Variants in SGIP1 observed in about 807,000 individuals in gnomAD.
SGIP1 encodes the protein SH3GL interacting endocytic adaptor 1, also known as SH3-containing GRB2-like protein 3-interacting protein 1.
A neutral mutation model predicts 107.5 loss-of-function variants in SGIP1; 38 were observed. The observed-to-expected ratio is 0.35, with a 90% confidence interval of 0.27 to 0.46. SGIP1 has a LOEUF of 0.46. Among genes scored for constraint, SGIP1 ranks in the 20% least tolerant of loss-of-function variants. The pLI is 1.00. For synonymous variants in SGIP1, 365 were observed against 366.1 expected, an observed-to-expected ratio of 1.00 and a Z score of 0.03; for missense variants, 929 against 1,019.5, an observed-to-expected ratio of 0.91 and a Z score of 1.21.
intron 1 of SGIP1, among the ~76,000 whole-genome samples, chr1:66,548,497 T>G (rs536564445): frequency 3.0e-4 from 45 of 152,220 alleles, no homozygotes; most frequent in African/African-American, 1.1e-3. Context: ...TGCTGACAGC[T>G]GAAAAAAATG....
At chr1:66,554,119 G>GA (rs1263855599) in intron 1 of SGIP1, among the ~76,000 whole-genome samples, 2 of 152,070 alleles carry the variant, frequency 1.3e-5, no homozygotes, top group African/African-American at 4.8e-5. Flanking sequence ...ATCCTCTAAG[G>GA]AATCTAACAC....
intron 3 of SGIP1, among the ~76,000 whole-genome samples, chr1:66,635,224 G>A (rs1458722699): frequency 6.6e-6 from 1 of 152,240 alleles, no homozygotes; most frequent in Non-Finnish European, 1.5e-5. Flanking sequence ...AGGCTTCGCA[G>A]CAGGGCTGCA....
rs1231896960 is a variant in SGIP1, at chr1:66,750,368, A to G, written c.*7273A>G. 6.6e-6 allele frequency among the ~76,000 whole-genome samples: 1 copy of G among 152,138 alleles called. No homozygotes were observed. Among genetic ancestry groups the G allele is most frequent in the Non-Finnish European group, 1.5e-5 (1 of 68,014 alleles). ...AGGCATTGATTTTTTTTAAACTTGA[A>G]CAATGCAAGAATCTAGGAATCTCAG... On this transcript the variant is annotated 3_prime_UTR_variant, in exon 25 of 25. Transcript: ENST00000371037.
intron 18 of SGIP1, chr1:66,704,863 T>G (rs1171888649): frequency 6.6e-6 from 1 of 152,238 alleles, no homozygotes; most frequent in Non-Finnish European, 1.5e-5. Context: ...CCACATATAC[T>G]CCAAACAAAT....
chr1:66,628,851 A>ACTC (rs2073589197), intron 2 of SGIP1, among the ~76,000 whole-genome samples: 1 of 151,734 alleles, frequency 6.6e-6, no homozygotes, highest in Non-Finnish European at 1.5e-5. Context: ...TCCTTCCTTA[A>ACTC]CTTATCATTT....
chr1:66,702,923 G>A (rs12117649), intron 18 of SGIP1, among the ~76,000 whole-genome samples: 64,618 of 152,024 alleles, frequency 0.43, 14,322 homozygotes, highest in East Asian at 0.72. Context: ...TTCTAGAACA[G>A]GACTTCTCAT....
At chr1:66,574,888 C>T (rs962653144) in intron 1 of SGIP1, among the ~76,000 whole-genome samples, 1 of 152,242 alleles carries the variant, frequency 6.6e-6, no homozygotes. Context: ...GAGATTATGT[C>T]CCTCTGATAT....
intron 12 of SGIP1, among the ~76,000 whole-genome samples, chr1:66,676,719 T>A (rs976143474): frequency 6.6e-6 from 1 of 152,138 alleles, no homozygotes; most frequent in Non-Finnish European, 1.5e-5. Flanking sequence ...ACTCAGAATG[T>A]CCTTACGTGA....
chr1:66,664,057 T>C (rs2082048864), intron 8 of SGIP1, among the ~76,000 whole-genome samples: 1 of 152,180 alleles, frequency 6.6e-6, no homozygotes, highest in African/African-American at 2.4e-5. Context: ...CTAATTGCTA[T>C]ATTTTAAAAG....
intron 1 of SGIP1, among the ~76,000 whole-genome samples, chr1:66,553,799 T>C (rs1031087935): frequency 3.9e-5 from 6 of 152,246 alleles, no homozygotes; most frequent in African/African-American, 1.2e-4. Flanking sequence ...GCATCCTTCT[T>C]CCTACACTAA....
chr1:66,744,647 T>C lies in SGIP1; in HGVS notation c.*1552T>C, dbSNP rs1462102778. 6.6e-6 allele frequency: 1 copy of C among 152,142 alleles called. No homozygotes were observed. The highest frequency in any genetic ancestry group is 1.5e-5 in the Non-Finnish European group (1 of 67,944). 9.4% of individuals were successfully genotyped at this position (152,142 alleles called of 1,614,324 possible). ...AAATTTTAGAATTAAATTAAATTTT[T>C]AAAGTTTTACTTCTAAAATGAGATT... On this transcript the variant is annotated 3_prime_UTR_variant, in exon 25 of 25. Transcript: ENST00000371037.
At position 66,744,561 on chromosome 1, in the gene SGIP1, A is replaced by G. The variant is rs966825206; in HGVS notation, c.*1466A>G. ...TAATTATTAAGTTATTATTTTTATA[A>G]TTAGTTGTTAAATTTCATTTTACAC... On this transcript the variant is annotated 3_prime_UTR_variant, in exon 25 of 25. Transcript: ENST00000371037. 2.0e-5 allele frequency: 3 copies of G among 152,112 alleles called. No individual in the cohort carries two copies. Among genetic ancestry groups the G allele is most frequent in the Non-Finnish European group, 4.4e-5 (3 of 67,942 alleles). The allele number at this position is 152,112 out of a possible 1,614,324, so 9.4% of individuals were successfully genotyped here.
At chr1:66,688,049 C>A (rs2088874818) in intron 15 of SGIP1, among the ~76,000 whole-genome samples, 1 of 151,940 alleles carries the variant, frequency 6.6e-6, no homozygotes, top group African/African-American at 2.4e-5. Context: ...GACTGAGATG[C>A]TGATATAAAA....
At chr1:66,693,670 G>A (rs2090329630) in intron 17 of SGIP1, among the ~76,000 whole-genome samples, 1 of 152,120 alleles carries the variant, frequency 6.6e-6, no homozygotes, top group South Asian at 2.1e-4. Context: ...ATCCCACATA[G>A]AGTCAAAAAT....
chr1:66,742,956 G>A (rs971457896), intron 24 of SGIP1, 117 bp from the exon 25 acceptor site: 2 of 977,574 alleles, frequency 2.0e-6, no homozygotes, highest in African/African-American at 3.3e-5. Flanking sequence ...TTGTACCTCT[G>A]AAGTATGCAG....
intron 16 of SGIP1, among the ~76,000 whole-genome samples, chr1:66,689,885 T>C (rs10789216): frequency 0.3 from 45,299 of 152,046 alleles, 6,880 homozygotes; most frequent in South Asian, 0.32. Flanking sequence ...CGAGTATGAG[T>C]TCTCACTCTG....
intron 15 of SGIP1, among the ~76,000 whole-genome samples, chr1:66,688,340 G>T (rs565602758): frequency 2.6e-5 from 4 of 152,344 alleles, no homozygotes; most frequent in Admixed American, 2.6e-4. Flanking sequence ...GCAGATGCCT[G>T]AATCCAGAGA....
intron 7 of SGIP1, among the ~76,000 whole-genome samples, chr1:66,655,632 T>C (rs974096999): frequency 6.6e-6 from 1 of 152,208 alleles, no homozygotes; most frequent in Non-Finnish European, 1.5e-5. Context: ...AGGCTACAAA[T>C]ATGTATAGCA....
chr1:66,594,444 G>A (rs2064229000), intron 1 of SGIP1, among the ~76,000 whole-genome samples: 1 of 152,092 alleles, frequency 6.6e-6, no homozygotes, highest in Non-Finnish European at 1.5e-5. Context: ...GTGTGATGAA[G>A]AAGAGTGTGG....
Sources: gnomAD v4.1 joint callset for allele counts (sites outside exome capture counted in the v4.1 genomes callset) on GRCh38, gnomAD v4.1.1 for gene constraint, MANE v1.5 for transcripts, NCBI Gene and HGNC (gene_info 2026-07-23, HGNC 2026-07-21) for gene names.